The following PLXNA2 variants were observed in gnomAD, a reference collection of about 807,000 sequenced individuals.
PLXNA2 encodes the protein plexin-A2.
Under a neutral mutation model 193.5 loss-of-function variants are expected in PLXNA2, and 91 were observed. The observed-to-expected ratio is 0.47, with a 90% CI of 0.40 to 0.56. The LOEUF is 0.56. Among genes scored for constraint, PLXNA2 ranks in the 20% least tolerant of loss-of-function variants. The pLI, the probability that PLXNA2 is intolerant of heterozygous loss-of-function variation, is 0.00. For missense variants in PLXNA2, 1,995 were observed against 2,503.2 expected, an observed-to-expected ratio of 0.80 and a Z score of 4.33; for synonymous variants, 997 against 1,027.3, an observed-to-expected ratio of 0.97 and a Z score of 0.56.
At chr1:208,231,444 G>A (rs1405002929) in intron 1 of PLXNA2, among the ~76,000 whole-genome samples, 4 of 152,088 alleles carry the variant, frequency 2.6e-5, no homozygotes, top group Non-Finnish European at 4.4e-5. Context: ...GTTCCGCACC[G>A]GATGAAGGCA....
At chr1:208,027,759 A>G (rs1664384021) in intron 31 of PLXNA2, among the ~76,000 whole-genome samples, 1 of 152,274 alleles carries the variant, frequency 6.6e-6, no homozygotes, top group Admixed American at 6.5e-5. Context: ...TAATTATACC[A>G]TACTTTGAAC....
intron 12 of PLXNA2, among the ~76,000 whole-genome samples, chr1:208,069,544 C>G (rs531133224): frequency 1.3e-5 from 2 of 152,268 alleles, no homozygotes; most frequent in East Asian, 1.9e-4. Flanking sequence ...TGGGGAGATG[C>G]GAAGGGCTGC....
chr1:208,067,321 GC>G (rs1438538144), intron 12 of PLXNA2, among the ~76,000 whole-genome samples: 1 of 146,054 alleles, frequency 6.8e-6, no homozygotes, highest in Non-Finnish European at 1.5e-5. Context: ...TCCAGCTTGG[GC>G]AACAAGAGTG....
intron 3 of PLXNA2, among the ~76,000 whole-genome samples, chr1:208,145,633 C>T (rs1025453497): frequency 6.6e-6 from 1 of 152,106 alleles, no homozygotes; most frequent in African/African-American, 2.4e-5. Context: ...AGATGGTACC[C>T]GTGGCAAGAT....
At chr1:208,157,721 G>T (rs146892535) in intron 3 of PLXNA2, among the ~76,000 whole-genome samples, 1 of 152,226 alleles carries the variant, frequency 6.6e-6, no homozygotes, top group Non-Finnish European at 1.5e-5. Context: ...GGGTATTTGA[G>T]AACAGTGTGC....
At chr1:208,092,092 C>A (rs1666732906) in intron 9 of PLXNA2, among the ~76,000 whole-genome samples, 1 of 152,140 alleles carries the variant, frequency 6.6e-6, no homozygotes, top group African/African-American at 2.4e-5. Context: ...GCTTCACTGT[C>A]CTGAGACATG....
chr1:208,221,311 C>A (rs995331192), intron 1 of PLXNA2, among the ~76,000 whole-genome samples: 1 of 151,240 alleles, frequency 6.6e-6, no homozygotes, highest in Non-Finnish European at 1.5e-5. Flanking sequence ...GTCTGTGATT[C>A]CAATAGCAGC....
chr1:208,233,379 C>T (rs1671751100), intron 1 of PLXNA2, among the ~76,000 whole-genome samples: 1 of 152,208 alleles, frequency 6.6e-6, no homozygotes, highest in East Asian at 1.9e-4. Context: ...TCTATGCAGA[C>T]AAATGTTGCC....
At chr1:208,230,697 A>T (rs1456022446) in intron 1 of PLXNA2, among the ~76,000 whole-genome samples, 2 of 152,186 alleles carry the variant, frequency 1.3e-5, no homozygotes, top group Non-Finnish European at 2.9e-5. Context: ...CCTTCCAATA[A>T]AAAAGCTTTA....
intron 3 of PLXNA2, among the ~76,000 whole-genome samples, chr1:208,151,130 T>A (rs1668751888): frequency 6.6e-6 from 1 of 152,132 alleles, no homozygotes; most frequent in Non-Finnish European, 1.5e-5. Flanking sequence ...TTAAGCAGCC[T>A]CAGATGAAAT....
chr1:208,215,762 T>C (rs1330339449), intron 2 of PLXNA2, among the ~76,000 whole-genome samples: 1 of 151,918 alleles, frequency 6.6e-6, no homozygotes, highest in African/African-American at 2.4e-5. Context: ...GGTGGATAAA[T>C]GAATGGATGA....
In PLXNA2 at chr1:208,117,342, G is replaced by A. The variant is rs190905878; in HGVS notation, c.1507-14095C>T. 1.9e-3 allele frequency among the ~76,000 whole-genome samples: 290 copies of A among 152,298 alleles called. 6 individuals are homozygous for A. The highest frequency in any genetic ancestry group is 0.013 in the Admixed American group (203 of 15,300). ...CTGGCGAGCCCGCAGGAGGCAGAGCGAAGCAGGAACTTGGGAGGTCACCGC... is the reference window on the plus strand; with the variant it reads ...CTGGCGAGCCCGCAGGAGGCAGAGCAAAGCAGGAACTTGGGAGGTCACCGC... On this transcript the variant is annotated intron_variant, in intron 4 of 31. Coordinates refer to ENST00000367033, the MANE Select transcript of PLXNA2 (RefSeq NM_025179.4).
At chr1:208,239,360 C>A (rs1309330207) in intron 1 of PLXNA2, among the ~76,000 whole-genome samples, 1 of 152,204 alleles carries the variant, frequency 6.6e-6, no homozygotes, top group Admixed American at 6.5e-5. Flanking sequence ...TGTCCACCCC[C>A]ATTCACACTG....
At chr1:208,055,660 T>C (rs1665407115) in intron 13 of PLXNA2, among the ~76,000 whole-genome samples, 1 of 152,080 alleles carries the variant, frequency 6.6e-6, no homozygotes. Context: ...CCTGGCACGG[T>C]GGGGAAGATC....
At chr1:208,161,118 A>C (rs1048917137) in intron 3 of PLXNA2, among the ~76,000 whole-genome samples, 3 of 152,158 alleles carry the variant, frequency 2.0e-5, no homozygotes, top group Non-Finnish European at 4.4e-5. Context: ...GCTGGAGGTG[A>C]TGTTGCCTTA....
rs536971627 is a variant in PLXNA2, at chr1:208,027,170, G to T, written c.*73C>A. ...CTCTGGGGCCTGATCCCCATCACTT[G>T]TCCTTCCATCTGAGACTCCCAGTGT... On this transcript the variant is annotated 3_prime_UTR_variant, in exon 32 of 32. Transcript: ENST00000367033. 2 of 1,318,328 alleles carry T rather than the reference G, an allele frequency of 1.5e-6. No homozygotes were observed. Among genetic ancestry groups the T allele is most frequent in the African/African-American group, 1.4e-5 (1 of 69,534 alleles). The allele number at this position is 1,318,328 out of a possible 1,614,324, so 81.7% of individuals were successfully genotyped here.
intron 26 of PLXNA2, 106 bp from the exon 27 acceptor site, chr1:208,034,698 A>G (rs923003729): frequency 4.3e-6 from 3 of 694,030 alleles, no homozygotes; most frequent in Non-Finnish European, 7.9e-6. Context: ...TGGGGTAGAG[A>G]GCAAGGAGTA....
At chr1:208,158,818 C>T (rs921069757) in intron 3 of PLXNA2, among the ~76,000 whole-genome samples, 6 of 152,238 alleles carry the variant, frequency 3.9e-5, no homozygotes, top group East Asian at 1.9e-4. Context: ...TGATTCCCTA[C>T]AGGTGGTCTG....
At chr1:208,204,315 C>G (rs150120954) in intron 3 of PLXNA2, among the ~76,000 whole-genome samples, 3 of 152,176 alleles carry the variant, frequency 2.0e-5, no homozygotes, top group Admixed American at 6.5e-5. Context: ...AAGCCTGCAT[C>G]TGATCCAGGT....
Sources: gnomAD v4.1 joint callset for allele counts (sites outside exome capture counted in the v4.1 genomes callset) on GRCh38, gnomAD v4.1.1 for gene constraint, MANE v1.5 for transcripts, NCBI Gene and HGNC (gene_info 2026-07-23, HGNC 2026-07-21) for gene names.